Variants in DPT observed in about 807,000 individuals in gnomAD.
DPT encodes tyrosine-rich acidic matrix protein.
Under a neutral mutation model 31.2 loss-of-function variants are expected in DPT, and 21 were observed. The observed-to-expected ratio is 0.67, with a 90% CI of 0.48 to 0.97. The LOEUF (loss-of-function observed/expected upper bound fraction) is 0.97, where lower values mean the gene tolerates loss of function less well. Among genes scored for constraint, DPT ranks in the 50% least tolerant of loss-of-function variants. DPT has a pLI of 0.00. For synonymous variants in DPT, 91 were observed against 86.9 expected, an observed-to-expected ratio of 1.05 and a Z score of -0.26; for missense variants, 262 against 258.8, an observed-to-expected ratio of 1.01 and a Z score of -0.08.
At chr1:168,725,032 T>G (rs974634410) in intron 1 of DPT, among the ~76,000 whole-genome samples, 1 of 152,232 alleles carries the variant, frequency 6.6e-6, no homozygotes, top group Non-Finnish European at 1.5e-5. Context: ...ATCAGCCACA[T>G]CAATTTCAGA....
In DPT at chr1:168,695,811, C is replaced by CCATT. The variant is rs1649454395; in HGVS notation, c.*734_*737dup. On this transcript the variant is annotated 3_prime_UTR_variant, in exon 4 of 4. Transcript: ENST00000367817. ...TCCCAATCTGAATCCCATTCTCTGA[C>CCATT]CATTCTCTGCTTCCTTGTTTTTAAT... The CCATT allele has an allele frequency of 5.6e-6, 1 of 179,856 alleles. No individual in the cohort carries two copies. Among genetic ancestry groups the CCATT allele is most frequent in the African/African-American group, 2.3e-5 (1 of 42,680 alleles). 11.1% of individuals were successfully genotyped at this position (179,856 alleles called of 1,614,324 possible).
intron 1 of DPT, among the ~76,000 whole-genome samples, chr1:168,721,829 T>C (rs1057349118): frequency 6.6e-6 from 1 of 152,228 alleles, no homozygotes; most frequent in African/African-American, 2.4e-5. Context: ...TCTCTTTAAA[T>C]AGTGTTAAGT....
At chr1:168,714,899 A>G (rs923254197) in intron 1 of DPT, among the ~76,000 whole-genome samples, 10 of 152,238 alleles carry the variant, frequency 6.6e-5, no homozygotes, top group Non-Finnish European at 1.2e-4. Context: ...AGGGCAGCCC[A>G]GTAGGAAAGC....
At chr1:168,706,570 C>G (rs1649720286) in intron 2 of DPT, among the ~76,000 whole-genome samples, 1 of 152,170 alleles carries the variant, frequency 6.6e-6, no homozygotes, top group South Asian at 2.1e-4. Flanking sequence ...GGGGATTGGC[C>G]AAGCGGGACC....
At chr1:168,719,285 G>T (rs1650048086) in intron 1 of DPT, among the ~76,000 whole-genome samples, 1 of 151,978 alleles carries the variant, frequency 6.6e-6, no homozygotes, top group Non-Finnish European at 1.5e-5. Context: ...ATATAGCTTT[G>T]GGCATTCCTC....
chr1:168,717,635 C>A (rs567216560), intron 1 of DPT, among the ~76,000 whole-genome samples: 1 of 152,070 alleles, frequency 6.6e-6, no homozygotes, highest in African/African-American at 2.4e-5. Flanking sequence ...TTTGTCCATG[C>A]CTGTGTCCTG....
At chr1:168,725,037 T>G (rs572606628) in intron 1 of DPT, among the ~76,000 whole-genome samples, 34 of 152,312 alleles carry the variant, frequency 2.2e-4, no homozygotes, top group African/African-American at 8.2e-4. Context: ...CCACATCAAT[T>G]TCAGATTCAC....
At chr1:168,725,541 G>A (rs886343409) in intron 1 of DPT, among the ~76,000 whole-genome samples, 3 of 152,210 alleles carry the variant, frequency 2.0e-5, no homozygotes, top group South Asian at 2.1e-4. Flanking sequence ...ACCCAAGTTA[G>A]AGCAGATTCC....
At chr1:168,724,658 G>A (rs544801266) in intron 1 of DPT, among the ~76,000 whole-genome samples, 9 of 152,212 alleles carry the variant, frequency 5.9e-5, no homozygotes, top group Non-Finnish European at 1.0e-4. Flanking sequence ...AAGCATCCCC[G>A]AGGAAGTGGG....
At chr1:168,706,730 C>T (rs142459682) in intron 2 of DPT, among the ~76,000 whole-genome samples, 165 of 152,274 alleles carry the variant, frequency 1.1e-3, no homozygotes, top group Middle Eastern at 3.4e-3. Context: ...TATCACAACA[C>T]GAGGGAATAA....
At chr1:168,719,430 TG>T (rs1031757001) in intron 1 of DPT, among the ~76,000 whole-genome samples, 5 of 152,176 alleles carry the variant, frequency 3.3e-5, no homozygotes, top group African/African-American at 1.2e-4. Flanking sequence ...GGAACAGGAC[TG>T]GGGGAACTGT....
At chr1:168,707,810 T>A (rs920988219) in intron 2 of DPT, among the ~76,000 whole-genome samples, 8 of 152,192 alleles carry the variant, frequency 5.3e-5, no homozygotes, top group African/African-American at 1.9e-4. Flanking sequence ...CATGTTTGCT[T>A]CTCCTTCTGC....
intron 1 of DPT, among the ~76,000 whole-genome samples, chr1:168,726,974 TCCCCA>T (rs968111233): frequency 2.6e-5 from 4 of 152,200 alleles, no homozygotes; most frequent in African/African-American, 7.2e-5. Context: ...GTGAGTCCTC[TCCCCA>T]CCCCTTCTAC....
chr1:168,719,587 T>C (rs1047424558), intron 1 of DPT, among the ~76,000 whole-genome samples: 1 of 152,074 alleles, frequency 6.6e-6, no homozygotes, highest in Non-Finnish European at 1.5e-5. Flanking sequence ...AATGCTCTAT[T>C]CCGCTTGGAG....
At position 168,699,320 on chromosome 1, in the gene DPT, T is replaced by G. The variant is rs574251761; in HGVS notation, c.539+1697A>C. 4.8e-4 allele frequency among the ~76,000 whole-genome samples: 73 copies of G among 152,322 alleles called. 1 individual carries two copies. The highest frequency in any genetic ancestry group is 1.5e-3 in the African/African-American group (64 of 41,568). ...CTTTGAGTTCTTGAGCCTTTCATTT[T>G]CTTTATTTTTCTTAAGCATATTTGT... On this transcript the variant is annotated intron_variant, in intron 3 of 3. Transcript: ENST00000367817.
intron 2 of DPT, among the ~76,000 whole-genome samples, chr1:168,706,935 G>T (rs1034541748): frequency 2.6e-5 from 4 of 152,102 alleles, no homozygotes; most frequent in Admixed American, 2.6e-4. Flanking sequence ...TGTCAGTGGG[G>T]GCTACTTGAC....
chr1:168,716,969 G>A (rs1369310693), intron 1 of DPT, among the ~76,000 whole-genome samples: 2 of 152,184 alleles, frequency 1.3e-5, no homozygotes, highest in Non-Finnish European at 2.9e-5. Context: ...GGGCATTTGG[G>A]TTGGTTCCAT....
chr1:168,718,965 G>A (rs1650042270), intron 1 of DPT, among the ~76,000 whole-genome samples: 1 of 152,152 alleles, frequency 6.6e-6, no homozygotes, highest in Admixed American at 6.5e-5. Context: ...AGCTCAATGA[G>A]GTTGGATGTC....
chr1:168,714,509 C>T (rs997514591), intron 1 of DPT, among the ~76,000 whole-genome samples, 163 bp from the exon 2 acceptor site: 2 of 152,194 alleles, frequency 1.3e-5, no homozygotes, highest in African/African-American at 2.4e-5. Flanking sequence ...GTAGAAATAA[C>T]ATAGCCCCTC....
Sources: allele counts gnomAD v4.1 joint callset (sites outside exome capture counted in the v4.1 genomes callset), GRCh38; gene constraint gnomAD v4.1.1; transcripts MANE v1.5; gene names NCBI Gene and HGNC (gene_info 2026-07-23, HGNC 2026-07-21).